SDC2: variants seen among roughly 807,000 people sequenced by gnomAD.
The protein encoded by SDC2 is syndecan-2.
A neutral mutation model predicts 22.2 loss-of-function variants in SDC2; 13 were observed. The ratio of observed to expected loss-of-function variants is 0.59; its 90% CI spans 0.38 to 0.93. The LOEUF (loss-of-function observed/expected upper bound fraction) is 0.93, where lower values mean the gene tolerates loss of function less well. Ranked by LOEUF, SDC2 falls within the 40% of genes least tolerant of loss-of-function variation. The probability of loss-of-function intolerance (pLI) is 0.00; values close to 1 mark genes in which losing one functional copy is unlikely to be tolerated. For synonymous variants in SDC2, 94 were observed against 92.8 expected (o/e 1.01, Z -0.07); for missense variants, 235 against 246.8 (o/e 0.95, Z 0.32).
At chr8:96,572,917 G>A (rs1034601874) in intron 1 of SDC2, among the ~76,000 whole-genome samples, 1 of 152,046 alleles carries the variant, frequency 6.6e-6, no homozygotes, top group Non-Finnish European at 1.5e-5. Flanking sequence ...AGCTTTATTT[G>A]TTTATTTTGT....
chr8:96,557,584 A>G lies in SDC2; in HGVS notation c.61-35896A>G, dbSNP rs537667845. Among the ~76,000 whole-genome samples, 144 of 141,114 alleles carry G rather than the reference A, an allele frequency of 1.0e-3. 2 individuals are homozygous for G. Among genetic ancestry groups the G allele is most frequent in the Admixed American group, 2.1e-3 (29 of 13,936 alleles). 92.6% of individuals were successfully genotyped at this position (141,114 alleles called of 152,430 possible). A position where few individuals can be genotyped will look rare whatever the true frequency, so the allele number is the denominator to read the frequency against. On this transcript the variant is annotated intron_variant, in intron 1 of 4. Transcript: ENST00000302190. ...GGTGGGAACTGAACAATGAGATCAC[A>G]TGGTCACAGGAAGGGGAATATCACA... is the stretch of plus-strand genomic sequence containing the variant.
chr8:96,552,527 C>G (rs16894723), intron 1 of SDC2, among the ~76,000 whole-genome samples: 5,657 of 152,178 alleles, frequency 0.037, 339 homozygotes, highest in African/African-American at 0.13. Context: ...TTGATCAGTT[C>G]AATACATTTG....
chr8:96,588,845 C>T (rs1194378514), intron 1 of SDC2, among the ~76,000 whole-genome samples: 4 of 152,122 alleles, frequency 2.6e-5, no homozygotes, highest in East Asian at 1.9e-4. Context: ...GTAGGTAAGG[C>T]GTTGTGTTTT....
At chr8:96,531,391 T>A (rs1476332342) in intron 1 of SDC2, among the ~76,000 whole-genome samples, 1 of 152,194 alleles carries the variant, frequency 6.6e-6, no homozygotes, top group African/African-American at 2.4e-5. Flanking sequence ...TTAATATTAG[T>A]AAATTATAGA....
chr8:96,562,770 C>T (rs1814231552), intron 1 of SDC2, among the ~76,000 whole-genome samples: 1 of 152,306 alleles, frequency 6.6e-6, no homozygotes, highest in East Asian at 1.9e-4. Context: ...AGCTTTTGTG[C>T]TTAAATTGCC....
chr8:96,604,121 A>T (rs1815038442), intron 3 of SDC2, among the ~76,000 whole-genome samples: 1 of 152,064 alleles, frequency 6.6e-6, no homozygotes, highest in Admixed American at 6.6e-5. Context: ...GACAATTAGG[A>T]CTCACTAGCT....
chr8:96,571,903 G>A (rs1814401608), intron 1 of SDC2, among the ~76,000 whole-genome samples: 1 of 152,198 alleles, frequency 6.6e-6, no homozygotes, highest in African/African-American at 2.4e-5. Flanking sequence ...GTCACTGGGA[G>A]CATTTATTAT....
intron 1 of SDC2, among the ~76,000 whole-genome samples, chr8:96,534,133 G>T (rs2130493548): frequency 6.6e-6 from 1 of 152,322 alleles, no homozygotes; most frequent in South Asian, 2.1e-4. Context: ...ACGCCCACCT[G>T]GAACTCACTC....
intron 1 of SDC2, among the ~76,000 whole-genome samples, chr8:96,507,193 C>A (rs2250070): frequency 0.52 from 78,856 of 151,932 alleles, 21,003 homozygotes; most frequent in African/African-American, 0.63. Flanking sequence ...CCAAGATTAC[C>A]TAGGTAATTA....
At chr8:96,601,974 G>C (rs1814996270) in intron 2 of SDC2, among the ~76,000 whole-genome samples, 1 of 152,090 alleles carries the variant, frequency 6.6e-6, no homozygotes, top group South Asian at 2.1e-4. Context: ...AGGCCAGGCT[G>C]GTCTCGATCT....
chr8:96,541,503 CAAAA>C (rs201996850), intron 1 of SDC2, among the ~76,000 whole-genome samples: 20 of 103,274 alleles, frequency 1.9e-4, no homozygotes, highest in Admixed American at 2.0e-4. Flanking sequence ...AAGCCCATCT[CAAAA>C]AAAAAAAAAA....
At chr8:96,545,401 G>A (rs933200304) in intron 1 of SDC2, among the ~76,000 whole-genome samples, 3 of 152,058 alleles carry the variant, frequency 2.0e-5, no homozygotes, top group South Asian at 4.1e-4. Flanking sequence ...CTGATGTCAG[G>A]GAGACAGGGA....
intron 1 of SDC2, among the ~76,000 whole-genome samples, chr8:96,516,710 C>G (rs1278447500): frequency 6.6e-6 from 1 of 152,126 alleles, no homozygotes; most frequent in East Asian, 1.9e-4. Flanking sequence ...TAACTTCTTT[C>G]AGTTAGCATG....
At position 96,611,485 on chromosome 8, in the gene SDC2, A is replaced by G. The variant is rs1461444535; in HGVS notation, c.*1937A>G. On this transcript the variant is annotated 3_prime_UTR_variant, in exon 5 of 5. Coordinates refer to ENST00000302190, the MANE Select transcript of SDC2 (RefSeq NM_002998.4). ...CTTTAAATCCTTAATGGCCTTAATT[A>G]ATTCTCAGATTCCTGCCCCATCACT... 1 of 152,598 alleles carries G rather than the reference A, an allele frequency of 6.6e-6. No homozygotes were observed. Among genetic ancestry groups the G allele is most frequent in the Non-Finnish European group, 1.5e-5 (1 of 68,042 alleles). The allele number at this position is 152,598 out of a possible 1,614,324, so 9.5% of individuals were successfully genotyped here. A position where few individuals can be genotyped will look rare whatever the true frequency, so the allele number is the denominator to read the frequency against.
At chr8:96,544,921 TAC>T (rs1294624444) in intron 1 of SDC2, among the ~76,000 whole-genome samples, 1 of 152,246 alleles carries the variant, frequency 6.6e-6, no homozygotes, top group Non-Finnish European at 1.5e-5. Flanking sequence ...TTTAAGTGTG[TAC>T]AGTTTTTTAT....
At chr8:96,606,500 G>C (rs1815082803) in intron 3 of SDC2, among the ~76,000 whole-genome samples, 1 of 152,194 alleles carries the variant, frequency 6.6e-6, no homozygotes, top group Non-Finnish European at 1.5e-5. Flanking sequence ...ATTGTCTGGA[G>C]AACTTAAATA....
intron 3 of SDC2, among the ~76,000 whole-genome samples, chr8:96,606,824 A>G (rs1295078716): frequency 2.6e-5 from 4 of 152,188 alleles, no homozygotes; most frequent in African/African-American, 9.7e-5. Flanking sequence ...AGAAGGCTTC[A>G]TTAAGGACAA....
Position 96,602,514 on chromosome 8 carries a change from C to A in SDC2, c.292C>A (p.Pro98Thr), listed in dbSNP as rs1218512246. The A allele has an allele frequency of 1.2e-6, 2 of 1,613,910 alleles. No homozygotes were observed. The highest frequency in any genetic ancestry group is 1.7e-6 in the Non-Finnish European group (2 of 1,179,954). ...TTTLNIQNKIPAQTKSPEETD... is the reference protein window; with the variant it reads ...TTTLNIQNKITAQTKSPEETD... Reference sequence around the variant, plus strand: ...GACGCTGAATATACAGAACAAGATACCTGCTCAGACAAAGGTGCGTTCTAT... The same window carrying A: ...GACGCTGAATATACAGAACAAGATAACTGCTCAGACAAAGGTGCGTTCTAT... The change falls in exon 3 of 5, where the codon CCT becomes ACT. Residue 98 changes from proline (P) to threonine (T), a missense_variant. Pro to Thr is a conservative substitution (Grantham distance 38, BLOSUM62 -1). Transcript: ENST00000302190.
At chr8:96,499,564 G>A (rs1813128649) in intron 1 of SDC2, among the ~76,000 whole-genome samples, 2 of 152,164 alleles carry the variant, frequency 1.3e-5, no homozygotes, top group South Asian at 4.1e-4. Context: ...TCAGATGCTG[G>A]TACCTTGCCA....
Sources: gnomAD v4.1 joint callset for allele counts (sites outside exome capture counted in the v4.1 genomes callset) on GRCh38, gnomAD v4.1.1 for gene constraint, MANE v1.5 for transcripts, NCBI Gene and HGNC (gene_info 2026-07-23, HGNC 2026-07-21) for gene names.